The following NNAT variants were observed in gnomAD, a reference collection of about 807,000 sequenced individuals.
The protein encoded by NNAT is neuronatin.
A neutral mutation model predicts 12.7 loss-of-function variants in NNAT; 8 were observed. The observed-to-expected ratio is 0.63, with a 90% CI of 0.37 to 1.14. The LOEUF (loss-of-function observed/expected upper bound fraction) is 1.14. NNAT is among the 50% of genes most tolerant of loss of function. The pLI, the probability that NNAT is intolerant of heterozygous loss-of-function variation, is 0.01. For missense variants in NNAT, 94 were observed against 108.3 expected (o/e 0.87, Z 0.59); for synonymous variants, 52 against 48.5 (o/e 1.07, Z -0.30).
At chr20:37,522,563 AT>A in intron 2 of NNAT, 103 bp from the exon 3 acceptor site, 1 of 808,260 alleles carries the variant, frequency 1.2e-6, no homozygotes, top group Non-Finnish European at 1.7e-6. Context: ...CCTACGCTGG[AT>A]GGGCGGGCGG....
rs908349443 is a variant in NNAT, at chr20:37,521,768, C to A, written c.72+365C>A. 58 of 191,468 alleles carry A rather than the reference C, an allele frequency of 3.0e-4. No individual in the cohort carries two copies. The highest frequency in any genetic ancestry group is 1.3e-3 in the African/African-American group (54 of 42,944). The allele number at this position is 191,468 out of a possible 1,614,324, so 11.9% of individuals were successfully genotyped here. On this transcript the variant is annotated intron_variant, in intron 1 of 2. Transcript: ENST00000649451. This position sits in a 1 kb window ranked among gnomAD's most constrained non-coding sequence, Gnocchi z 4.5. ...CTGTGTTGAAAGACTTTACAGCTCG[C>A]AGAGTGAAAATTTTCCACCTTAAAA...
rs773259372 is a variant in NNAT at position 37,521,296 on chromosome 20, C to T, written c.-36C>T. 4 of 1,610,056 alleles carry T rather than the reference C, an allele frequency of 2.5e-6. No homozygotes were observed. Among genetic ancestry groups the T allele is most frequent in the Middle Eastern group, 1.6e-4 (1 of 6,076 alleles). ...CGAGACCAGCGGATCTCGGCAAACC[C>T]TCTTTCTCGACCACCCACCTACCAT... On this transcript the variant is annotated 5_prime_UTR_variant, in exon 1 of 3. Coordinates refer to ENST00000649451, the MANE Select transcript of NNAT (RefSeq NM_005386.4). This position sits in a 1 kb window ranked among gnomAD's most constrained non-coding sequence, Gnocchi z 4.5.
At position 37,522,775 on chromosome 20, in the gene NNAT, C is replaced by T; in HGVS notation, c.*16C>T. 1 of 1,576,924 alleles carries T rather than the reference C, an allele frequency of 6.3e-7. No individual in the cohort carries two copies. Among genetic ancestry groups the T allele is most frequent in the Non-Finnish European group, 8.6e-7 (1 of 1,162,180 alleles). On this transcript the variant is annotated 3_prime_UTR_variant, in exon 3 of 3. Transcript: ENST00000649451. ...CCCCAACTGAGGCCCCAGCTCCCAG[C>T]CCTGGGCGGCCGTATCATCAGGTGC...
chr20:37,521,505 C>A lies in NNAT; in HGVS notation c.72+102C>A. The A allele has an allele frequency of 1.7e-6, 2 of 1,171,632 alleles. No homozygotes were observed. The highest frequency in any genetic ancestry group is 2.4e-5 in the East Asian group (1 of 41,906). The allele number at this position is 1,171,632 out of a possible 1,614,324, so 72.6% of individuals were successfully genotyped here. A position where few individuals can be genotyped will look rare whatever the true frequency, so the allele number is the denominator to read the frequency against. On this transcript the variant is annotated intron_variant, in intron 1 of 2. Coordinates refer to ENST00000649451, the MANE Select transcript of NNAT (RefSeq NM_005386.4). The surrounding 1 kb of genome is among the most constrained non-coding windows in gnomAD (Gnocchi z 4.5). ...GCCGCTTCCCGGACCCGTCCTATTC[C>A]GATTGCCGCGATCCTTGCCTGCCCA...
chr20:37,522,126 G>A (rs2147189817), intron 1 of NNAT, among the ~76,000 whole-genome samples: 1 of 136,562 alleles, frequency 7.3e-6, no homozygotes, highest in East Asian at 2.0e-4. Context: ...AAAGCCCCTC[G>A]AGAGAAAAAT....
rs1045750482 is a variant in NNAT, at chr20:37,521,595, TC to T, written c.72+195del. 1.6e-4 allele frequency: 96 copies of T among 591,924 alleles called. No individual in the cohort carries two copies. The African/African-American group carries it at 1.8e-3, about 11-fold the overall frequency. 36.7% of individuals were successfully genotyped at this position (591,924 alleles called of 1,614,324 possible). A position where few individuals can be genotyped will look rare whatever the true frequency, so the allele number is the denominator to read the frequency against. ...TGCGCCGTCCTCCTCGCGCTGACCC[TC>T]CCTAGTGCGCCCGCGCCTGCCAGGG... On this transcript the variant is annotated intron_variant, in intron 1 of 2. Coordinates refer to ENST00000649451, the MANE Select transcript of NNAT (RefSeq NM_005386.4). This position sits in a 1 kb window ranked among gnomAD's most constrained non-coding sequence, Gnocchi z 4.5.
At chr20:37,522,542 C>A in intron 2 of NNAT, 104 bp downstream of exon 2, 1 of 1,375,864 alleles carries the variant, frequency 7.3e-7, no homozygotes, top group Non-Finnish European at 1.0e-6. Context: ...CGCCCGCGCC[C>A]GCCTCTCCAG....
chr20:37,521,439 C>G lies in NNAT; in HGVS notation c.72+36C>G, dbSNP rs1421016181. On this transcript the variant is annotated intron_variant, in intron 1 of 2. Coordinates refer to ENST00000649451, the MANE Select transcript of NNAT (RefSeq NM_005386.4). This position sits in a 1 kb window ranked among gnomAD's most constrained non-coding sequence, Gnocchi z 4.5. ...CGGGGTTTCGGGTGGGAGAGGGTTC[C>G]CAACTCGCGCCCCTAGAACCCGCAA... 6.3e-7 allele frequency: 1 copy of G among 1,596,946 alleles called. No homozygotes were observed. The highest frequency in any genetic ancestry group is 1.7e-5 in the Admixed American group (1 of 60,000).
chr20:37,522,310 C>T (rs777655389), intron 1 of NNAT, 48 bp from the exon 2 acceptor site: 73 of 1,507,934 alleles, frequency 4.8e-5, no homozygotes, highest in Non-Finnish European at 4.7e-5. Context: ...AGGAAGAATT[C>T]CCTGCTAAAG....
At chr20:37,522,501 GCT>G (rs2147190830) in intron 2 of NNAT, 63 bp downstream of exon 2, 1 of 1,529,296 alleles carries the variant, frequency 6.5e-7, no homozygotes, top group South Asian at 1.1e-5. Context: ...AGTTGGAAAA[GCT>G]CCAGCTGCCC....
rs1393914625 is a variant in NNAT at position 37,523,571 on chromosome 20, C to T, written c.*812C>T. The T allele has an allele frequency of 6.5e-6, 1 of 152,692 alleles. No homozygotes were observed. Among genetic ancestry groups the T allele is most frequent in the Non-Finnish European group, 1.5e-5 (1 of 68,096 alleles). 9.5% of individuals were successfully genotyped at this position (152,692 alleles called of 1,614,324 possible). ...GTTTAAGTGTGCATTAGTTGTGTCT[C>T]CCCAGCTAGATTGTAAGCTCCTGGA... is the stretch of plus-strand genomic sequence containing the variant. On this transcript the variant is annotated 3_prime_UTR_variant, in exon 3 of 3. Transcript: ENST00000649451.
chr20:37,522,698 A>G lies in NNAT; in HGVS notation c.185A>G (p.Tyr62Cys). 2 of 1,612,374 alleles carry G rather than the reference A, an allele frequency of 1.2e-6. No individual in the cohort carries two copies. The highest frequency in any genetic ancestry group is 1.7e-6 in the Non-Finnish European group (2 of 1,179,530). The stretch of plus-strand genomic sequence containing the variant: ...AGGTACTCCCTGCAGAAGCTGGCAT[A>G]CACGGTGTCGCGGACCGGGCGGCAG... The part of the protein sequence containing the change: ...VFRYSLQKLA[Y>C]TVSRTGRQVL... Residue 62 changes from tyrosine to cysteine, a missense_variant, in exon 3 of 3, where the codon TAC becomes TGC. Tyr to Cys is a radical substitution (Grantham distance 194, BLOSUM62 -2). Coordinates refer to ENST00000649451, the MANE Select transcript of NNAT (RefSeq NM_005386.4).
chr20:37,522,362 T>C lies in NNAT; in HGVS notation c.77T>C (p.Phe26Ser). ...GAATCGCATATTTCCTTCAAGGTGT[T>C]CCTGGAATGCTGCATTTACTGGGTA... ...WYIFRVLLQV[F>S]LECCIYWVGF... The change falls in exon 2 of 3, where the codon TTC (phenylalanine) becomes TCC (serine). Residue 26 changes from phenylalanine (F) to serine (S), a missense_variant. Phe to Ser is a radical substitution (Grantham distance 155, BLOSUM62 -2). Coordinates refer to ENST00000649451, the MANE Select transcript of NNAT (RefSeq NM_005386.4). The C allele has an allele frequency of 6.2e-7, 1 of 1,613,762 alleles. No homozygotes were observed. The highest frequency in any genetic ancestry group is 8.5e-7 in the Non-Finnish European group (1 of 1,179,780).
chr20:37,521,264 C>T lies in NNAT; in HGVS notation c.-68C>T, dbSNP rs1447616979. 6.5e-6 allele frequency: 10 copies of T among 1,536,418 alleles called. No individual in the cohort carries two copies. In the East Asian group the frequency reaches 2.3e-4, roughly 35 times the overall value. On this transcript the variant is annotated 5_prime_UTR_variant, in exon 1 of 3. Transcript: ENST00000649451. This position sits in a 1 kb window ranked among gnomAD's most constrained non-coding sequence, Gnocchi z 4.5. Reference sequence around the variant, plus strand: ...GCGGCTGCGGCAGTGCGCCCAACAGCGGACTCCGAGACCAGCGGATCTCGG... The same window carrying T: ...GCGGCTGCGGCAGTGCGCCCAACAGTGGACTCCGAGACCAGCGGATCTCGG...
In NNAT at chr20:37,521,386, T is replaced by C; in HGVS notation, c.55T>C (p.Phe19Leu). 1.2e-6 allele frequency: 2 copies of C among 1,614,098 alleles called. No homozygotes were observed. The highest frequency in any genetic ancestry group is 1.7e-6 in the Non-Finnish European group (2 of 1,179,974). Residue 19 changes from phenylalanine to leucine, a missense_variant, in exon 1 of 3, where the codon TTC becomes CTC. Coordinates refer to ENST00000649451, the MANE Select transcript of NNAT (RefSeq NM_005386.4). The surrounding 1 kb of genome is among the most constrained non-coding windows in gnomAD (Gnocchi z 4.5). ...ACTGCTCATCATCGGCTGGTACATC[T>C]TCCGCGTGCTGCTGCAGGTAAGTCT... The part of the protein sequence containing the change: ...AELLIIGWYI[F>L]RVLLQVFLEC...
In NNAT at chr20:37,521,282, G is replaced by T; in HGVS notation, c.-50G>T. 1 of 1,593,652 alleles carries T rather than the reference G, an allele frequency of 6.3e-7. No individual in the cohort carries two copies. Among genetic ancestry groups the T allele is most frequent in the Non-Finnish European group, 8.6e-7 (1 of 1,161,642 alleles). ...CCAACAGCGGACTCCGAGACCAGCG[G>T]ATCTCGGCAAACCCTCTTTCTCGAC... On this transcript the variant is annotated 5_prime_UTR_variant, in exon 1 of 3. Coordinates refer to ENST00000649451, the MANE Select transcript of NNAT (RefSeq NM_005386.4). The surrounding 1 kb of genome is among the most constrained non-coding windows in gnomAD (Gnocchi z 4.5).
Position 37,523,399 on chromosome 20 carries a change from T to C in NNAT, c.*640T>C, listed in dbSNP as rs1309080026. The stretch of plus-strand genomic sequence containing the variant: ...ACTCCAAAATAATGTGTCACTTGAT[T>C]TGGAACTATTCAAGCAGTAAAAGTA... On this transcript the variant is annotated 3_prime_UTR_variant, in exon 3 of 3. Transcript: ENST00000649451. 1 of 152,668 alleles carries C rather than the reference T, an allele frequency of 6.6e-6. No homozygotes were observed. Among genetic ancestry groups the C allele is most frequent in the Non-Finnish European group, 1.5e-5 (1 of 68,050 alleles). 9.5% of individuals were successfully genotyped at this position (152,668 alleles called of 1,614,324 possible).
rs2071566408 is a variant in NNAT at position 37,521,426 on chromosome 20, TG to T, written c.72+26del. Reference sequence around the variant, plus strand: ...CAGGTAAGTCTGACGGGGTTTCGGGTGGGAGAGGGTTCCCAACTCGCGCCCC... The same window carrying T: ...CAGGTAAGTCTGACGGGGTTTCGGGTGGAGAGGGTTCCCAACTCGCGCCCC... On this transcript the variant is annotated intron_variant, in intron 1 of 2. Coordinates refer to ENST00000649451, the MANE Select transcript of NNAT (RefSeq NM_005386.4). The surrounding 1 kb of genome is among the most constrained non-coding windows in gnomAD (Gnocchi z 4.5). 3.1e-6 allele frequency: 5 copies of T among 1,612,446 alleles called. No homozygotes were observed. Among genetic ancestry groups the T allele is most frequent in the Non-Finnish European group, 4.2e-6 (5 of 1,178,524 alleles).
intron 2 of NNAT, 100 bp downstream of exon 2, chr20:37,522,538 C>A: frequency 7.3e-7 from 1 of 1,360,610 alleles, no homozygotes. Flanking sequence ...GCTGCGCCCG[C>A]GCCCGCCTCT....
Sources: allele counts gnomAD v4.1 joint callset (sites outside exome capture counted in the v4.1 genomes callset), GRCh38; gene constraint gnomAD v4.1.1; non-coding constraint Gnocchi (gnomAD v3.1); transcripts MANE v1.5; gene names NCBI Gene and HGNC (gene_info 2026-07-23, HGNC 2026-07-21).